Variants in CGA observed in about 807,000 individuals in gnomAD.
The protein encoded by CGA is glycoprotein hormones alpha chain.
CGA carries 4 observed loss-of-function variants against 12.0 expected under a neutral mutation model. The ratio of observed to expected loss-of-function variants is 0.33; its 90% CI spans 0.16 to 0.76. CGA has a LOEUF of 0.76. CGA is among the 30% of genes least tolerant of loss of function. CGA has a pLI of 0.60. For synonymous variants in CGA, 60 were observed against 56.6 expected, an observed-to-expected ratio of 1.06 and a Z score of -0.27; for missense variants, 102 against 143.5, an observed-to-expected ratio of 0.71 and a Z score of 1.48.
chr6:87,090,071 T>C (rs954245405), intron 1 of CGA, among the ~76,000 whole-genome samples: 26 of 152,270 alleles, frequency 1.7e-4, no homozygotes, highest in Admixed American at 3.9e-4. Flanking sequence ...GAAATTCAGA[T>C]TGTGTAAGTA....
intron 1 of CGA, among the ~76,000 whole-genome samples, chr6:87,090,205 G>A (rs1769405930): frequency 6.6e-6 from 1 of 152,106 alleles, no homozygotes; most frequent in Non-Finnish European, 1.5e-5. Flanking sequence ...CTAAGTCAGT[G>A]GTTCTCAAAG....
rs1396145673 is a variant in CGA at position 87,088,213 on chromosome 6, G to T, written c.-7-6C>A. The stretch of plus-strand genomic sequence containing the variant: ...TGTAGTAATCCATGGCGCTCCTGCA[G>T]ACAGACATGGCAAAAAAAAAAAAAC... On this transcript the variant is annotated splice_polypyrimidine_tract_variant and splice_region_variant and intron_variant, in intron 1 of 3. Coordinates refer to ENST00000627148, the MANE Select transcript of CGA (RefSeq NM_000735.4). The T allele has an allele frequency of 2.5e-5, 30 of 1,212,684 alleles. No homozygotes were observed. The highest frequency in any genetic ancestry group is 3.3e-5 in the Non-Finnish European group (30 of 918,598). 75.1% of individuals were successfully genotyped at this position (1,212,684 alleles called of 1,614,324 possible).
intron 1 of CGA, among the ~76,000 whole-genome samples, chr6:87,089,383 GT>G (rs1769388326): frequency 6.6e-6 from 1 of 152,102 alleles, no homozygotes; most frequent in African/African-American, 2.4e-5. Flanking sequence ...ATGTGTGTGT[GT>G]GTGTGTCTTA....
chr6:87,091,165 A>G (rs1200069522), intron 1 of CGA, among the ~76,000 whole-genome samples: 1 of 152,212 alleles, frequency 6.6e-6, no homozygotes, highest in Non-Finnish European at 1.5e-5. Context: ...CATTTATAAT[A>G]AGATTTGAGA....
chr6:87,088,471 AT>A (rs1562094547), intron 1 of CGA, among the ~76,000 whole-genome samples: 1 of 152,100 alleles, frequency 6.6e-6, no homozygotes, highest in Non-Finnish European at 1.5e-5. Flanking sequence ...ATTACAAAAA[AT>A]TCTCTTTTTA....
Position 87,092,689 on chromosome 6 carries a change from T to C in CGA, c.-8+2324A>G, listed in dbSNP as rs138510445. Among the ~76,000 whole-genome samples the C allele has an allele frequency of 1.1e-3, 163 of 150,648 alleles. 1 individual carries two copies. The highest frequency in any genetic ancestry group is 3.5e-3 in the Middle Eastern group (1 of 288). ...TAAACTGATCAAGCTATAAGGACTG[T>C]CTGCAGTGGGGAACAACAGGGGAAC... On this transcript the variant is annotated intron_variant, in intron 1 of 3. Coordinates refer to ENST00000627148, the MANE Select transcript of CGA (RefSeq NM_000735.4).
intron 1 of CGA, among the ~76,000 whole-genome samples, chr6:87,091,873 C>T (rs1430969191): frequency 1.3e-5 from 2 of 152,166 alleles, no homozygotes; most frequent in Non-Finnish European, 2.9e-5. Flanking sequence ...CAGTTATGTA[C>T]ACGTCTATCT....
intron 1 of CGA, chr6:87,088,833 T>A (rs1769377937): frequency 6.6e-6 from 1 of 152,220 alleles, no homozygotes; most frequent in South Asian, 2.1e-4. Context: ...TGGGAAATAC[T>A]TTGGCAGTTT....
intron 3 of CGA, 102 bp downstream of exon 3, chr6:87,086,148 T>C: frequency 2.9e-6 from 3 of 1,030,312 alleles, no homozygotes; most frequent in Non-Finnish European, 4.4e-6. Context: ...CGACAGAGGC[T>C]GGGTCATTAG....
intron 1 of CGA, among the ~76,000 whole-genome samples, 197 bp from the exon 2 acceptor site, chr6:87,088,404 A>T (rs377392183): frequency 6.6e-6 from 1 of 152,192 alleles, no homozygotes; most frequent in African/African-American, 2.4e-5. Context: ...TAGGAAAGAG[A>T]TAGATAACTG....
chr6:87,085,945 ATGCATACTAC>A (rs2127753862), intron 3 of CGA, 112 bp from the exon 4 acceptor site: 1 of 791,794 alleles, frequency 1.3e-6, no homozygotes, highest in South Asian at 1.5e-5. Flanking sequence ...AAATAAGTAG[ATGCATACTAC>A]ATTTGCACAG....
In CGA at chr6:87,090,637, A is replaced by ATTTTTTT. The variant is rs147883019; in HGVS notation, c.-7-2437_-7-2431dup. 1.2e-4 allele frequency among the ~76,000 whole-genome samples: 15 copies of ATTTTTTT among 124,814 alleles called. 1 individual carries two copies. The highest frequency in any genetic ancestry group is 1.8e-4 in the Non-Finnish European group (11 of 59,652). The allele number at this position is 124,814 out of a possible 152,430, so 81.9% of individuals were successfully genotyped here. A position where few individuals can be genotyped will look rare whatever the true frequency, so the allele number is the denominator to read the frequency against. Reference sequence around the variant, plus strand: ...TAGAAGCTCTTTGGGCTCTTCAATAATTTTTTTTTTGTTTTTTTGAGATTG... The same window carrying ATTTTTTT: ...TAGAAGCTCTTTGGGCTCTTCAATAATTTTTTTTTTTTTTTTTGTTTTTTTGAGATTG... On this transcript the variant is annotated intron_variant, in intron 1 of 3. Transcript: ENST00000627148.
At chr6:87,086,593 A>G (rs1257996344) in intron 2 of CGA, 159 bp from the exon 3 acceptor site, 8 of 619,564 alleles carry the variant, frequency 1.3e-5, no homozygotes, top group Middle Eastern at 4.0e-4. Context: ...CCTGGGCAAC[A>G]TGGTGAAACC....
chr6:87,085,532 G>C lies in CGA; in HGVS notation c.*224C>G. ...GATTTAAAAGGCTTTATTTGCAGTG[G>C]AACAAGCTAAATGCTGTATTCATTC... On this transcript the variant is annotated 3_prime_UTR_variant, in exon 4 of 4. Coordinates refer to ENST00000627148, the MANE Select transcript of CGA (RefSeq NM_000735.4). 2.3e-6 allele frequency: 1 copy of C among 441,242 alleles called. No homozygotes were observed. The highest frequency in any genetic ancestry group is 3.2e-5 in the South Asian group (1 of 31,404). The allele number at this position is 441,242 out of a possible 1,614,324, so 27.3% of individuals were successfully genotyped here. A position where few individuals can be genotyped will look rare whatever the true frequency, so the allele number is the denominator to read the frequency against.
At chr6:87,091,447 CAG>C (rs764642794) in intron 1 of CGA, among the ~76,000 whole-genome samples, 4 of 152,114 alleles carry the variant, frequency 2.6e-5, no homozygotes, top group East Asian at 1.9e-4. Flanking sequence ...TATTAAGAAT[CAG>C]GGGGAGAAAT....
At chr6:87,089,783 C>G (rs1252659956) in intron 1 of CGA, among the ~76,000 whole-genome samples, 1 of 152,140 alleles carries the variant, frequency 6.6e-6, no homozygotes, top group Non-Finnish European at 1.5e-5. Context: ...GGCCCACAAT[C>G]TGAAACATTT....
intron 1 of CGA, among the ~76,000 whole-genome samples, chr6:87,090,925 C>T (rs1023335468): frequency 2.0e-5 from 3 of 150,714 alleles, no homozygotes; most frequent in African/African-American, 7.3e-5. Context: ...GGATTACAGG[C>T]GTGAGCCACC....
intron 1 of CGA, among the ~76,000 whole-genome samples, chr6:87,090,637 A>ATTTTTTTTTTTTTTTTTTTTTTTTTT (rs147883019): frequency 1.6e-5 from 2 of 124,834 alleles, no homozygotes; most frequent in Non-Finnish European, 1.7e-5. Flanking sequence ...CTCTTCAATA[A>ATTTTTTTTTTTTTTTTTTTTTTTTTT]TTTTTTTTTT....
chr6:87,086,494 G>A (rs1329800981), intron 2 of CGA, 60 bp from the exon 3 acceptor site: 2 of 1,514,138 alleles, frequency 1.3e-6, no homozygotes, highest in Non-Finnish European at 1.8e-6. Context: ...AAGAATCTAT[G>A]AGGCCAGCAC....
Sources: allele counts gnomAD v4.1 joint callset (sites outside exome capture counted in the v4.1 genomes callset), GRCh38; gene constraint gnomAD v4.1.1; transcripts MANE v1.5; gene names NCBI Gene and HGNC (gene_info 2026-07-23, HGNC 2026-07-21).